ADAMTSL1: variants seen among roughly 807,000 people sequenced by gnomAD.
The protein encoded by ADAMTSL1 is ADAMTS-like protein 1.
A neutral mutation model predicts 201.8 loss-of-function variants in ADAMTSL1; 126 were observed. The observed-to-expected ratio is 0.62, with a 90% CI of 0.54 to 0.72. The LOEUF (loss-of-function observed/expected upper bound fraction) is 0.72, where lower values mean the gene tolerates loss of function less well. ADAMTSL1 is among the 30% of genes least tolerant of loss of function. ADAMTSL1 has a pLI of 0.00. For missense variants in ADAMTSL1, 2,679 were observed against 2,277.8 expected (o/e 1.18, Z -3.59); for synonymous variants, 1,121 against 903.4 (o/e 1.24, Z -4.32).
intron 2 of ADAMTSL1, among the ~76,000 whole-genome samples, chr9:18,294,292 T>G (rs998758176): frequency 2.0e-5 from 3 of 152,210 alleles, no homozygotes; most frequent in African/African-American, 7.2e-5. Context: ...TCAGGTTTCC[T>G]CTAATATTGG....
At chr9:18,709,029 C>T (rs528108964) in intron 14 of ADAMTSL1, among the ~76,000 whole-genome samples, 14 of 152,210 alleles carry the variant, frequency 9.2e-5, no homozygotes, top group East Asian at 1.9e-4. Context: ...TTTTATATAA[C>T]GTAAATTGTA....
intron 1 of ADAMTSL1, among the ~76,000 whole-genome samples, chr9:18,087,965 C>A (rs565992558): frequency 1.1e-3 from 174 of 152,172 alleles, no homozygotes; most frequent in African/African-American, 4.0e-3. Context: ...TTATATTAAA[C>A]AATCAGCCCT....
intron 27 of ADAMTSL1, 107 bp downstream of exon 27, chr9:18,905,998 C>T (rs1409977191): frequency 4.1e-6 from 4 of 970,502 alleles, no homozygotes; most frequent in African/African-American, 3.5e-5. Context: ...AGTCCCAAGC[C>T]CTGCCTGGGA....
At chr9:18,644,963 A>G (rs1014458240) in intron 7 of ADAMTSL1, among the ~76,000 whole-genome samples, 4 of 152,024 alleles carry the variant, frequency 2.6e-5, no homozygotes, top group African/African-American at 7.3e-5. Context: ...GAATCGCCAC[A>G]CTGACTTCCA....
At chr9:18,760,992 G>A (rs1023101302) in intron 16 of ADAMTSL1, among the ~76,000 whole-genome samples, 1 of 152,166 alleles carries the variant, frequency 6.6e-6, no homozygotes, top group East Asian at 1.9e-4. Context: ...AAATATCTGA[G>A]GCTTAGTAAC....
At chr9:18,349,682 A>G (rs901414709) in intron 2 of ADAMTSL1, among the ~76,000 whole-genome samples, 2 of 152,046 alleles carry the variant, frequency 1.3e-5, no homozygotes, top group African/African-American at 4.8e-5. Context: ...CTAGTAACAC[A>G]TTTACCCATT....
intron 3 of ADAMTSL1, among the ~76,000 whole-genome samples, chr9:18,552,432 A>G (rs115776076): frequency 0.011 from 1,624 of 151,868 alleles, 28 homozygotes; most frequent in African/African-American, 0.037. Context: ...GATTTTTCCA[A>G]AATGGTCTTT....
At chr9:18,665,832 T>C (rs1829396692) in intron 9 of ADAMTSL1, among the ~76,000 whole-genome samples, 1 of 152,156 alleles carries the variant, frequency 6.6e-6, no homozygotes, top group Non-Finnish European at 1.5e-5. Context: ...TATGTTTTCA[T>C]GGCTTTTTTG....
chr9:17,992,548 C>T (rs1045554348), intron 1 of ADAMTSL1, among the ~76,000 whole-genome samples: 9 of 151,992 alleles, frequency 5.9e-5, no homozygotes, highest in African/African-American at 2.2e-4. Context: ...AGACTGAGGT[C>T]GGGGGATCAC....
rs78118711 is a variant in ADAMTSL1 at position 18,328,515 on chromosome 9, A to G, written c.207+164534A>G. Among the ~76,000 whole-genome samples, 4 of 152,300 alleles carry G rather than the reference A, an allele frequency of 2.6e-5. No homozygotes were observed. In the East Asian group the frequency reaches 7.7e-4, roughly 29 times the overall value. On this transcript the variant is annotated intron_variant, in intron 2 of 29. Coordinates refer to the ADAMTSL1 transcript ENST00000680146. ...AACGTCATAACATAAGTATCACCCC[A>G]TGTTTAGAGATGAGGAAATTGAGGC...
At position 18,906,832 on chromosome 9, in the gene ADAMTSL1, A is replaced by G. The variant is rs1830337118; in HGVS notation, c.5102A>G (p.Lys1701Arg). Residue 1701 changes from lysine (K) to arginine (R), a missense_variant, in exon 28 of 29, where the codon AAG (lysine) becomes AGG (arginine). Transcript: ENST00000380548. ...RVECVHARTN[K>R]AVPEHLCSWG... ...GAGTGTGTGCATGCCCGCACCAACA[A>G]GGCAGTGCCTGAGCACCTGTGCTCC... 6.2e-7 allele frequency: 1 copy of G among 1,613,890 alleles called. No homozygotes were observed. The highest frequency in any genetic ancestry group is 1.3e-5 in the African/African-American group (1 of 74,922).
At chr9:17,998,681 A>G (rs1228202266) in intron 1 of ADAMTSL1, among the ~76,000 whole-genome samples, 2 of 152,082 alleles carry the variant, frequency 1.3e-5, no homozygotes, top group Admixed American at 1.3e-4. Context: ...GGAAAGTCTT[A>G]GAAAGTCAGA....
intron 16 of ADAMTSL1, among the ~76,000 whole-genome samples, chr9:18,760,135 A>G (rs1231019632): frequency 6.6e-6 from 1 of 152,158 alleles, no homozygotes; most frequent in Non-Finnish European, 1.5e-5. Context: ...GATCATTATC[A>G]AGTAGGTGAC....
At chr9:18,340,026 T>C (rs1835407566) in intron 2 of ADAMTSL1, among the ~76,000 whole-genome samples, 2 of 152,188 alleles carry the variant, frequency 1.3e-5, no homozygotes, top group Admixed American at 1.3e-4. Flanking sequence ...TGTTGATATG[T>C]CTGGTGGCCA....
intron 3 of ADAMTSL1, among the ~76,000 whole-genome samples, chr9:18,539,759 T>C (rs902704349): frequency 6.6e-6 from 1 of 152,210 alleles, no homozygotes; most frequent in African/African-American, 2.4e-5. Flanking sequence ...AAATAAATGT[T>C]ATTTATGAAT....
chr9:18,515,070 A>C (rs1329946560), intron 2 of ADAMTSL1, among the ~76,000 whole-genome samples: 1 of 152,182 alleles, frequency 6.6e-6, no homozygotes, highest in Non-Finnish European at 1.5e-5. Context: ...AGTAGTTCTT[A>C]ATCCTAGTTA....
intron 1 of ADAMTSL1, among the ~76,000 whole-genome samples, chr9:17,977,174 T>C (rs1404394609): frequency 1.3e-5 from 2 of 152,102 alleles, no homozygotes; most frequent in African/African-American, 4.8e-5. Flanking sequence ...GAGATGAATC[T>C]CACTTGATCA....
intron 2 of ADAMTSL1, among the ~76,000 whole-genome samples, chr9:18,308,720 G>A (rs1217780434): frequency 2.0e-5 from 3 of 152,116 alleles, no homozygotes; most frequent in Admixed American, 2.0e-4. Context: ...AAAAAGTCGA[G>A]GGCCAGATGG....
At chr9:18,700,352 GTTTTTA>G (rs995254638) in intron 13 of ADAMTSL1, among the ~76,000 whole-genome samples, 2 of 152,070 alleles carry the variant, frequency 1.3e-5, no homozygotes, top group Non-Finnish European at 2.9e-5. Flanking sequence ...TAACTAAAGA[GTTTTTA>G]CACGAGATCT....
Sources: allele counts gnomAD v4.1 joint callset (sites outside exome capture counted in the v4.1 genomes callset), GRCh38; gene constraint gnomAD v4.1.1; transcripts MANE v1.5; gene names NCBI Gene and HGNC (gene_info 2026-07-23, HGNC 2026-07-21).